DLG2: variants seen among roughly 807,000 people sequenced by gnomAD.
DLG2 encodes disks large homolog 2.
A neutral mutation model predicts 132.5 loss-of-function variants in DLG2; 45 were observed. The observed-to-expected ratio is 0.34, with a 90% confidence interval of 0.27 to 0.44. The LOEUF is 0.44. DLG2 is among the 20% of genes least tolerant of loss of function. The probability of loss-of-function intolerance (pLI) is 1.00; values close to 1 mark genes in which losing one functional copy is unlikely to be tolerated. For synonymous variants in DLG2, 424 were observed against 419.6 expected (o/e 1.01, Z -0.13); for missense variants, 1,045 against 1,196.9 (o/e 0.87, Z 1.87).
chr11:84,462,511 T>C (rs2099083132), intron 7 of DLG2, among the ~76,000 whole-genome samples: 1 of 151,130 alleles, frequency 6.6e-6, no homozygotes, highest in African/African-American at 2.4e-5. Flanking sequence ...CTAAAATACT[T>C]GTCCAAAAAC....
intron 7 of DLG2, among the ~76,000 whole-genome samples, chr11:84,412,556 C>T (rs971108516): frequency 2.6e-5 from 4 of 152,182 alleles, no homozygotes; most frequent in African/African-American, 9.7e-5. Flanking sequence ...AGTAATACAA[C>T]TACTAAGTGA....
intron 7 of DLG2, among the ~76,000 whole-genome samples, chr11:84,306,606 A>G (rs900749379): frequency 5.9e-5 from 9 of 152,206 alleles, no homozygotes; most frequent in Admixed American, 1.3e-4. Context: ...GGCTTAGATA[A>G]TAATAAACTT....
At chr11:84,341,655 C>T (rs1275745186) in intron 7 of DLG2, among the ~76,000 whole-genome samples, 1 of 152,218 alleles carries the variant, frequency 6.6e-6, no homozygotes, top group East Asian at 1.9e-4. Flanking sequence ...GGCGACTTTA[C>T]CTTAAGGCTT....
intron 14 of DLG2, among the ~76,000 whole-genome samples, chr11:83,951,608 A>G (rs1440530939): frequency 2.0e-5 from 3 of 152,194 alleles, no homozygotes; most frequent in African/African-American, 7.2e-5. Flanking sequence ...AAGGAGGGGC[A>G]AGCACAAACT....
rs574697707 is a variant in DLG2, at chr11:83,467,861, A to AAAT, written c.2620-1045_2620-1044insATT. ...TTAAAACATATATATATATATATAT[A>AAAT]TAAATTAAATGCGGGTTAAATGCCA... is the stretch of plus-strand genomic sequence containing the variant. On this transcript the variant is annotated intron_variant, in intron 25 of 27. Coordinates refer to ENST00000376104, the MANE Select transcript of DLG2 (RefSeq NM_001142699.3). Among the ~76,000 whole-genome samples the AAAT allele has an allele frequency of 6.5e-5, 9 of 137,880 alleles. No homozygotes were observed. In the South Asian group the frequency reaches 2.1e-3, roughly 32 times the overall value. 90.5% of individuals were successfully genotyped at this position (137,880 alleles called of 152,430 possible).
chr11:85,417,094 C>G (rs1231968279), intron 3 of DLG2, among the ~76,000 whole-genome samples: 2 of 151,988 alleles, frequency 1.3e-5, no homozygotes, highest in Non-Finnish European at 2.9e-5. Context: ...ATAAATAGCT[C>G]TTATTATTTT....
chr11:85,054,821 G>A (rs1276722311), intron 6 of DLG2, among the ~76,000 whole-genome samples: 1 of 152,124 alleles, frequency 6.6e-6, no homozygotes, highest in African/African-American at 2.4e-5. Flanking sequence ...CTGGGCACTT[G>A]TAGACTTAAA....
At chr11:83,547,692 G>A (rs2096275750) in intron 19 of DLG2, among the ~76,000 whole-genome samples, 2 of 152,162 alleles carry the variant, frequency 1.3e-5, no homozygotes, top group African/African-American at 4.8e-5. Context: ...ACAGACTGCT[G>A]AAAGCTTTAT....
At chr11:84,788,239 T>C (rs966223590) in intron 6 of DLG2, among the ~76,000 whole-genome samples, 5 of 152,090 alleles carry the variant, frequency 3.3e-5, no homozygotes, top group African/African-American at 1.2e-4. Context: ...AATGGGGGTC[T>C]TTCCCCATTA....
At chr11:84,169,681 T>G (rs115787471) in intron 8 of DLG2, among the ~76,000 whole-genome samples, 4 of 98,510 alleles carry the variant, frequency 4.1e-5, no homozygotes, top group East Asian at 5.8e-4. Flanking sequence ...ATGATCAGTA[T>G]AGCCAACATG....
chr11:84,038,273 T>G (rs1204703286), intron 11 of DLG2, among the ~76,000 whole-genome samples: 1 of 151,852 alleles, frequency 6.6e-6, no homozygotes, highest in Admixed American at 6.6e-5. Context: ...ATATCCAACA[T>G]TTATAAGGAA....
At chr11:84,684,489 T>C (rs1284727059) in intron 6 of DLG2, among the ~76,000 whole-genome samples, 1 of 152,204 alleles carries the variant, frequency 6.6e-6, no homozygotes, top group Non-Finnish European at 1.5e-5. Flanking sequence ...TATTTGTTGA[T>C]GGGCTACCTA....
chr11:83,910,914 C>A (rs1217284203), intron 15 of DLG2, among the ~76,000 whole-genome samples: 1 of 151,964 alleles, frequency 6.6e-6, no homozygotes, highest in Non-Finnish European at 1.5e-5. Context: ...ATATCAAGGG[C>A]CTCTATATTC....
intron 5 of DLG2, among the ~76,000 whole-genome samples, chr11:85,121,810 T>A (rs2074352590): frequency 6.6e-6 from 1 of 152,180 alleles, no homozygotes; most frequent in Admixed American, 6.5e-5. Flanking sequence ...CTTTCACAAC[T>A]ATTTATTGTG....
intron 18 of DLG2, among the ~76,000 whole-genome samples, chr11:83,695,291 G>A (rs1227640898): frequency 6.6e-6 from 1 of 152,192 alleles, no homozygotes; most frequent in Non-Finnish European, 1.5e-5. Flanking sequence ...CTGCCCTTAA[G>A]ACGTTCACAG....
chr11:85,276,970 G>A (rs2077928842), intron 4 of DLG2, among the ~76,000 whole-genome samples: 1 of 152,132 alleles, frequency 6.6e-6, no homozygotes, highest in Non-Finnish European at 1.5e-5. Flanking sequence ...AATTTTTCTA[G>A]TTAAGGTCAT....
intron 6 of DLG2, among the ~76,000 whole-genome samples, chr11:84,772,766 A>T (rs2069652672): frequency 6.6e-6 from 1 of 152,194 alleles, no homozygotes; most frequent in African/African-American, 2.4e-5. Context: ...GAGACACAAC[A>T]TACCAAAATC....
intron 18 of DLG2, among the ~76,000 whole-genome samples, chr11:83,753,647 TCA>T (rs2093436350): frequency 7.2e-6 from 1 of 139,166 alleles, no homozygotes; most frequent in East Asian, 2.0e-4. Flanking sequence ...ATAAAATATA[TCA>T]ATAAATATAT....
intron 6 of DLG2, among the ~76,000 whole-genome samples, chr11:84,876,978 T>C (rs966819519): frequency 1.3e-5 from 2 of 152,234 alleles, no homozygotes; most frequent in Admixed American, 1.3e-4. Flanking sequence ...TCAGTTTCTA[T>C]GTAGTTGTGT....
Sources: allele counts gnomAD v4.1 joint callset (sites outside exome capture counted in the v4.1 genomes callset), GRCh38; gene constraint gnomAD v4.1.1; transcripts MANE v1.5; gene names NCBI Gene and HGNC (gene_info 2026-07-23, HGNC 2026-07-21).